WDPCP: variants seen among roughly 807,000 people sequenced by gnomAD.
WDPCP encodes the protein WD repeat containing planar cell polarity effector.
Under a neutral mutation model 93.1 loss-of-function variants are expected in WDPCP, and 71 were observed. That is an observed-to-expected ratio of 0.76 (90% confidence interval 0.63 to 0.93). The LOEUF is 0.93. Ranked by LOEUF, WDPCP falls within the 40% of genes least tolerant of loss-of-function variation. The pLI is 0.00. For missense variants in WDPCP, 844 were observed against 887.4 expected, an observed-to-expected ratio of 0.95 and a Z score of 0.62; for synonymous variants, 315 against 315.0, an observed-to-expected ratio of 1.00 and a Z score of 0.00.
intron 13 of WDPCP, among the ~76,000 whole-genome samples, chr2:63,291,460 T>C (rs760285763): frequency 6.6e-6 from 1 of 152,178 alleles, no homozygotes; most frequent in Non-Finnish European, 1.5e-5. Flanking sequence ...AATGTCTCCA[T>C]AGTGATGGTG....
rs768650800 is a variant in WDPCP, at chr2:63,473,173, C to T, written c.384+11431G>A. Among the ~76,000 whole-genome samples the T allele has an allele frequency of 3.3e-5, 5 of 152,156 alleles. No homozygotes were observed. In the East Asian group the frequency reaches 7.7e-4, roughly 23 times the overall value. On this transcript the variant is annotated intron_variant, in intron 6 of 17. Transcript: ENST00000272321. The stretch of plus-strand genomic sequence containing the variant: ...GGCACAGCTACCTTTTCAGAGAGAA[C>T]TGTCAAACATCAGTATGTATACGTT...
At chr2:63,472,582 T>C (rs1393733618) in intron 6 of WDPCP, among the ~76,000 whole-genome samples, 1 of 151,926 alleles carries the variant, frequency 6.6e-6, no homozygotes, top group Non-Finnish European at 1.5e-5. Context: ...GATTATTACT[T>C]TTATTTTTTA....
intron 10 of WDPCP, among the ~76,000 whole-genome samples, chr2:63,383,565 T>C (rs1027164977): frequency 1.3e-5 from 2 of 151,882 alleles, no homozygotes; most frequent in East Asian, 1.9e-4. Flanking sequence ...ATACAAAAAT[T>C]AGCCAAGCAT....
At chr2:63,722,984 C>A (rs537207249) in intron 2 of WDPCP, among the ~76,000 whole-genome samples, 91 of 152,282 alleles carry the variant, frequency 6.0e-4, no homozygotes, top group Non-Finnish European at 1.1e-3. Context: ...TGTGACCTTA[C>A]CCCCAACCCT....
chr2:63,259,784 G>A (rs1288321143), intron 13 of WDPCP, among the ~76,000 whole-genome samples: 1 of 152,074 alleles, frequency 6.6e-6, no homozygotes, highest in Non-Finnish European at 1.5e-5. Flanking sequence ...CACGATACAA[G>A]GGATACTAAA....
intron 1 of WDPCP, among the ~76,000 whole-genome samples, chr2:63,554,023 AT>A (rs1401108062): frequency 6.6e-6 from 1 of 152,092 alleles, no homozygotes; most frequent in African/African-American, 2.4e-5. Context: ...TATCAACACA[AT>A]TTTACCATTT....
At chr2:63,153,863 T>C (rs1289028748) in intron 15 of WDPCP, among the ~76,000 whole-genome samples, 4 of 152,014 alleles carry the variant, frequency 2.6e-5, no homozygotes, top group Non-Finnish European at 2.9e-5. Flanking sequence ...ATTTTACATA[T>C]GAAGTTTTAA....
intron 17 of WDPCP, among the ~76,000 whole-genome samples, chr2:63,138,003 TTTTG>T (rs992781818): frequency 1.3e-5 from 2 of 152,080 alleles, no homozygotes; most frequent in African/African-American, 4.8e-5. Context: ...GCCTCCAGCT[TTTTG>T]TTTTTCTTTT....
At chr2:63,487,127 G>C (rs1396577918) in intron 3 of WDPCP, among the ~76,000 whole-genome samples, 1 of 152,020 alleles carries the variant, frequency 6.6e-6, no homozygotes, top group African/African-American at 2.4e-5. Flanking sequence ...CAGGAGGCCA[G>C]CATCAGTAGG....
chr2:63,605,126 G>A (rs1709501943), intron 3 of WDPCP, among the ~76,000 whole-genome samples: 1 of 152,162 alleles, frequency 6.6e-6, no homozygotes, highest in Admixed American at 6.5e-5. Context: ...TTTCCAGAAG[G>A]ATTGGTAAGG....
At chr2:63,309,681 A>G (rs763896703) in intron 13 of WDPCP, among the ~76,000 whole-genome samples, 11 of 152,206 alleles carry the variant, frequency 7.2e-5, no homozygotes, top group Non-Finnish European at 1.6e-4. Context: ...TCTCATGTCT[A>G]TATAAGACAT....
chr2:63,184,268 T>A (rs1373802961), intron 14 of WDPCP, among the ~76,000 whole-genome samples: 1 of 152,120 alleles, frequency 6.6e-6, no homozygotes, highest in Non-Finnish European at 1.5e-5. Flanking sequence ...GTAATTTGAT[T>A]TCTTTCTCTT....
intron 14 of WDPCP, among the ~76,000 whole-genome samples, chr2:63,181,832 ATT>A (rs890685339): frequency 2.7e-5 from 4 of 150,876 alleles, no homozygotes; most frequent in African/African-American, 9.7e-5. Flanking sequence ...AGGTTTTTCC[ATT>A]TGTGTCATGT....
chr2:63,702,031 T>C (rs1669060909), intron 2 of WDPCP, among the ~76,000 whole-genome samples: 1 of 151,906 alleles, frequency 6.6e-6, no homozygotes, highest in South Asian at 2.1e-4. Context: ...GAAAAGACGA[T>C]TTTTTTTTCT....
At chr2:63,803,311 T>A (rs897087831) in intron 2 of WDPCP, among the ~76,000 whole-genome samples, 1 of 152,092 alleles carries the variant, frequency 6.6e-6, no homozygotes, top group African/African-American at 2.4e-5. Context: ...TGAAAAAAAA[T>A]TTGGTTATTG....
chr2:63,709,717 A>G (rs1304387521), intron 2 of WDPCP, among the ~76,000 whole-genome samples: 1 of 152,252 alleles, frequency 6.6e-6, no homozygotes, highest in African/African-American at 2.4e-5. Flanking sequence ...TAATTAGCAT[A>G]TTTTCCATTC....
chr2:63,335,107 ATTC>A (rs1688258509), intron 12 of WDPCP, among the ~76,000 whole-genome samples: 1 of 152,196 alleles, frequency 6.6e-6, no homozygotes, highest in African/African-American at 2.4e-5. Flanking sequence ...GTAAGTGACT[ATTC>A]TTCTACCCCT....
chr2:63,722,620 G>GC lies in WDPCP; in HGVS notation n.309-71783dup, dbSNP rs528468774. ...GTCCGGGAGGGAGGTGGGGGGGTCA[G>GC]CCCCCGCCCGGCCAGCCGCCCCGTC... On this transcript the variant is annotated intron_variant and non_coding_transcript_variant, in intron 2 of 4. Transcript: ENST00000467687. Among the ~76,000 whole-genome samples the GC allele has an allele frequency of 7.9e-3, 958 of 121,730 alleles. 43 individuals carry two copies. The highest frequency in any genetic ancestry group is 0.013 in the East Asian group (52 of 4,096). 79.9% of individuals were successfully genotyped at this position (121,730 alleles called of 152,430 possible).
intron 1 of WDPCP, among the ~76,000 whole-genome samples, chr2:63,579,962 C>A (rs1708388229): frequency 6.6e-6 from 1 of 152,086 alleles, no homozygotes; most frequent in South Asian, 2.1e-4. Flanking sequence ...ATTGTGGGAG[C>A]GGGCTCCTGA....
Sources: gnomAD v4.1 joint callset for allele counts (sites outside exome capture counted in the v4.1 genomes callset) on GRCh38, gnomAD v4.1.1 for gene constraint, MANE v1.5 for transcripts, NCBI Gene and HGNC (gene_info 2026-07-23, HGNC 2026-07-21) for gene names.